RYR2: variants seen among roughly 807,000 people sequenced by gnomAD.
RYR2 encodes cardiac muscle ryanodine receptor-calcium release channel.
In RYR2, 227 loss-of-function variants were observed where a neutral mutation model predicts 601.1. The observed-to-expected ratio is 0.38, with a 90% CI of 0.34 to 0.42. RYR2 has a LOEUF of 0.42. Among genes scored for constraint, RYR2 ranks in the 10% least tolerant of loss-of-function variants. The pLI, the probability that RYR2 is intolerant of heterozygous loss-of-function variation, is 1.00. For missense variants in RYR2, 4,646 were observed against 6,156.5 expected, an observed-to-expected ratio of 0.75 and a Z score of 8.21; for synonymous variants, 2,223 against 2,175.1, an observed-to-expected ratio of 1.02 and a Z score of -0.61.
At chr1:237,622,686 T>C (rs1387920217) in intron 38 of RYR2, among the ~76,000 whole-genome samples, 3 of 152,212 alleles carry the variant, frequency 2.0e-5, no homozygotes. Flanking sequence ...CCAAGTACTA[T>C]GTCTAATCCA....
intron 37 of RYR2, among the ~76,000 whole-genome samples, chr1:237,616,883 G>A (rs1678529927): frequency 6.6e-6 from 1 of 152,162 alleles, no homozygotes; most frequent in South Asian, 2.1e-4. Flanking sequence ...AGGCAAGAGG[G>A]CATGTGCAGG....
intron 1 of RYR2, among the ~76,000 whole-genome samples, chr1:237,158,622 T>C (rs774177647): frequency 1.3e-5 from 2 of 152,210 alleles, no homozygotes; most frequent in Non-Finnish European, 2.9e-5. Context: ...AGCTGTAGCA[T>C]TTTGAGACAT....
chr1:237,220,276 C>T (rs904818636), intron 1 of RYR2, among the ~76,000 whole-genome samples: 1 of 152,190 alleles, frequency 6.6e-6, no homozygotes, highest in Non-Finnish European at 1.5e-5. Context: ...TTTCTGTCTC[C>T]CTTCTGAGCA....
chr1:237,377,915 A>G (rs1234427687), intron 8 of RYR2, among the ~76,000 whole-genome samples: 2 of 152,210 alleles, frequency 1.3e-5, no homozygotes. Context: ...TTGACACTGC[A>G]TTGTTTCAAA....
chr1:237,086,787 G>T lies in RYR2; in HGVS notation c.48+44218G>T, dbSNP rs137952147. Among the ~76,000 whole-genome samples the T allele has an allele frequency of 5.3e-3, 806 of 152,268 alleles. 2 individuals carry two copies. Among genetic ancestry groups the T allele is most frequent in the Non-Finnish European group, 8.9e-3 (608 of 68,022 alleles). On this transcript the variant is annotated intron_variant, in intron 1 of 104. Coordinates refer to ENST00000366574, the MANE Select transcript of RYR2 (RefSeq NM_001035.3). ...AGGAAAGGTCACAGGCAGCGTTATGGTTTGAGTATGTAGAGATATTGGGCC... is the reference window on the plus strand; with the variant it reads ...AGGAAAGGTCACAGGCAGCGTTATGTTTTGAGTATGTAGAGATATTGGGCC...
At chr1:237,251,041 T>C (rs1687408394) in intron 1 of RYR2, among the ~76,000 whole-genome samples, 1 of 133,542 alleles carries the variant, frequency 7.5e-6, no homozygotes, top group African/African-American at 2.6e-5. Flanking sequence ...TGTGTGTGTG[T>C]GTGTGTGTGT....
intron 29 of RYR2, among the ~76,000 whole-genome samples, chr1:237,585,750 T>C (rs1457251725): frequency 3.9e-5 from 6 of 152,234 alleles, no homozygotes; most frequent in Admixed American, 2.0e-4. Context: ...AGTTTCTACC[T>C]GTGGAGGTAC....
At position 237,625,575 on chromosome 1, in the gene RYR2, A is replaced by G. The variant is rs557090433; in HGVS notation, c.6023-86A>G. On this transcript the variant is annotated intron_variant, in intron 39 of 104. Coordinates refer to ENST00000366574, the MANE Select transcript of RYR2 (RefSeq NM_001035.3). ...TTTTTGACATTGTTCTAAGTTGTGC[A>G]TGAAAGAAATTACAAGGCCTCAGAA... The G allele has an allele frequency of 1.1e-5, 15 of 1,352,654 alleles. 1 individual carries two copies. In the East Asian group the frequency reaches 3.2e-4, roughly 29 times the overall value. 83.8% of individuals were successfully genotyped at this position (1,352,654 alleles called of 1,614,324 possible). A position where few individuals can be genotyped will look rare whatever the true frequency, so the allele number is the denominator to read the frequency against.
chr1:237,415,997 C>T (rs985049433), intron 10 of RYR2, among the ~76,000 whole-genome samples: 48 of 152,150 alleles, frequency 3.2e-4, no homozygotes, highest in African/African-American at 1.1e-3. Flanking sequence ...TGAAACATTC[C>T]ACAATAAAGA....
chr1:237,427,738 G>A (rs1378521838), intron 12 of RYR2, among the ~76,000 whole-genome samples: 1 of 118,730 alleles, frequency 8.4e-6, no homozygotes. Flanking sequence ...AGCCTAAATT[G>A]TGCCACTGCA....
Position 237,610,631 on chromosome 1 carries a change from T to C in RYR2, c.4684-131T>C. 1 of 703,346 alleles carries C rather than the reference T, an allele frequency of 1.4e-6. No homozygotes were observed. The highest frequency in any genetic ancestry group is 2.4e-6 in the Non-Finnish European group (1 of 425,076). The allele number at this position is 703,346 out of a possible 1,614,324, so 43.6% of individuals were successfully genotyped here. A position where few individuals can be genotyped will look rare whatever the true frequency, so the allele number is the denominator to read the frequency against. ...TCAACCCAATTTCTATGATTTCTTG[T>C]GTTGACTTTGCTTGACTCATAGGGT... On this transcript the variant is annotated intron_variant, in intron 35 of 104. Coordinates refer to ENST00000366574, the MANE Select transcript of RYR2 (RefSeq NM_001035.3). This position sits in a 1 kb window ranked among gnomAD's most constrained non-coding sequence, Gnocchi z 4.9.
intron 1 of RYR2, among the ~76,000 whole-genome samples, chr1:237,097,094 C>A (rs1358607430): frequency 6.6e-6 from 1 of 152,186 alleles, no homozygotes; most frequent in East Asian, 1.9e-4. Flanking sequence ...TATGTATTTT[C>A]TCTTCTTTTT....
intron 10 of RYR2, among the ~76,000 whole-genome samples, chr1:237,391,253 A>G (rs569938536): frequency 2.0e-5 from 3 of 152,238 alleles, no homozygotes; most frequent in Non-Finnish European, 2.9e-5. Flanking sequence ...ATTTGTTATC[A>G]GTCTGTACTG....
At chr1:237,630,943 T>C (rs1680175800) in intron 41 of RYR2, among the ~76,000 whole-genome samples, 1 of 152,138 alleles carries the variant, frequency 6.6e-6, no homozygotes, top group Admixed American at 6.5e-5. Context: ...ATAATATGAA[T>C]GCAATAAGAA....
chr1:237,709,142 A>G, intron 69 of RYR2, 44 bp downstream of exon 69: 1 of 1,502,896 alleles, frequency 6.7e-7, no homozygotes, highest in Non-Finnish European at 8.9e-7. Context: ...TTCGGTCATA[A>G]CGTTTCTTGG....
chr1:237,383,526 T>G (rs1572075090), intron 8 of RYR2, among the ~76,000 whole-genome samples: 3 of 143,288 alleles, frequency 2.1e-5, no homozygotes, highest in East Asian at 2.2e-4. Context: ...ACCTCCCGGG[T>G]TCACGCCATT....
intron 55 of RYR2, among the ~76,000 whole-genome samples, chr1:237,660,584 G>T (rs1683687114): frequency 6.6e-6 from 1 of 152,078 alleles, no homozygotes; most frequent in Non-Finnish European, 1.5e-5. Context: ...TGACCTTGGT[G>T]CTATATAATG....
rs60885998 is a variant in RYR2 at position 237,626,580 on chromosome 1, CTTTTTTTTTTTTTTTT to C, written c.6166+792_6166+807del. ...TTCTTTTCTTTTTCTTTTTCTTTTT[CTTTTTTTTTTTTTTTT>C]TTTTTTTTTTTTTTTGAGACAGTCT... On this transcript the variant is annotated intron_variant, in intron 40 of 104. Coordinates refer to ENST00000366574, the MANE Select transcript of RYR2 (RefSeq NM_001035.3). Among the ~76,000 whole-genome samples the C allele has an allele frequency of 6.0e-4, 24 of 40,044 alleles. 1 individual carries two copies. The highest frequency in any genetic ancestry group is 2.1e-3 in the East Asian group (2 of 974). The allele number at this position is 40,044 out of a possible 152,430, so 26.3% of individuals were successfully genotyped here.
At chr1:237,712,286 G>A (rs61117200) in intron 71 of RYR2, among the ~76,000 whole-genome samples, 4,230 of 152,150 alleles carry the variant, frequency 0.028, 180 homozygotes, top group African/African-American at 0.097. Flanking sequence ...CCTGTCCTTG[G>A]CTGCCTGGTA....
Sources: allele counts gnomAD v4.1 joint callset (sites outside exome capture counted in the v4.1 genomes callset), GRCh38; gene constraint gnomAD v4.1.1; non-coding constraint Gnocchi (gnomAD v3.1); transcripts MANE v1.5; gene names NCBI Gene and HGNC (gene_info 2026-07-23, HGNC 2026-07-21).